Variants in PTPRN2 observed in about 807,000 individuals in gnomAD.
PTPRN2 encodes the protein protein tyrosine phosphatase receptor type N2, also known as receptor-type tyrosine-protein phosphatase N2.
Under a neutral mutation model 118.8 loss-of-function variants are expected in PTPRN2, and 74 were observed. That is an observed-to-expected ratio of 0.62 (90% confidence interval 0.52 to 0.76). PTPRN2 has a LOEUF of 0.76. Ranked by LOEUF, PTPRN2 falls within the 30% of genes least tolerant of loss-of-function variation. PTPRN2 has a pLI of 0.00. For missense variants in PTPRN2, 1,481 were observed against 1,394.4 expected (o/e 1.06, Z -0.99); for synonymous variants, 641 against 608.0 (o/e 1.05, Z -0.80).
intron 12 of PTPRN2, among the ~76,000 whole-genome samples, chr7:157,825,008 C>A (rs1563146663): frequency 6.6e-6 from 1 of 152,160 alleles, no homozygotes; most frequent in Non-Finnish European, 1.5e-5. Flanking sequence ...ACCCTGCAGA[C>A]CCCACCCCAT....
In PTPRN2 at chr7:157,615,828, G is replaced by T; in HGVS notation, c.2344+5534C>A. ...CTTGACTGTCACCAACGGGGGGTGG[G>T]GGGTGCGCGAGGCCCTGGGCTCCAC... On this transcript the variant is annotated intron_variant, in intron 15 of 22. Coordinates refer to ENST00000389418, the MANE Select transcript of PTPRN2 (RefSeq NM_002847.5). The surrounding 1 kb of genome is among the most constrained non-coding windows in gnomAD (Gnocchi z 4.3). 1 of 359,836 alleles carries T rather than the reference G, an allele frequency of 2.8e-6. No homozygotes were observed. The highest frequency in any genetic ancestry group is 5.5e-6 in the Non-Finnish European group (1 of 182,072). The allele number at this position is 359,836 out of a possible 1,614,324, so 22.3% of individuals were successfully genotyped here.
chr7:158,097,253 G>A (rs1414486759), intron 10 of PTPRN2, among the ~76,000 whole-genome samples: 1 of 152,130 alleles, frequency 6.6e-6, no homozygotes, highest in African/African-American at 2.4e-5. Context: ...AGGAGGTGGA[G>A]GGGCCCGGGC....
chr7:157,907,827 C>T (rs1032962112), intron 11 of PTPRN2, among the ~76,000 whole-genome samples: 14 of 152,136 alleles, frequency 9.2e-5, no homozygotes, highest in African/African-American at 3.4e-4. Context: ...CCCTGACTGG[C>T]ATCTGTTCAC....
intron 12 of PTPRN2, among the ~76,000 whole-genome samples, chr7:157,866,571 C>T (rs1385017880): frequency 6.6e-6 from 1 of 152,098 alleles, no homozygotes; most frequent in African/African-American, 2.4e-5. Context: ...ATGAGGTCTG[C>T]AGGAAACACG....
chr7:157,739,787 G>A (rs770491239), intron 12 of PTPRN2, among the ~76,000 whole-genome samples: 25 of 152,228 alleles, frequency 1.6e-4, no homozygotes, highest in Non-Finnish European at 3.5e-4. Context: ...CAAGATGGAT[G>A]TGCTTTGGTT....
chr7:157,642,814 CAAAAAAAAAAAAAAAAAA>C (rs11335302), intron 14 of PTPRN2, among the ~76,000 whole-genome samples: 2 of 24,204 alleles, frequency 8.3e-5, no homozygotes, highest in Non-Finnish European at 1.7e-4. Context: ...CAAGAAACAG[CAAAAAAAAAAAAAAAAAA>C]AAAAAAAAAA....
At position 158,208,018 on chromosome 7, in the gene PTPRN2, A is replaced by T. The variant is rs113748094; in HGVS notation, c.278-2745T>A. ...ACTGACCCATTGCAGAATGCCTCAG[A>T]CTCTCTTGACAGCAGAGTTGACCAA... On this transcript the variant is annotated intron_variant, in intron 3 of 22. Coordinates refer to ENST00000389418, the MANE Select transcript of PTPRN2 (RefSeq NM_002847.5). 8.1e-3 allele frequency among the ~76,000 whole-genome samples: 1,233 copies of T among 152,266 alleles called. 18 individuals carry two copies. Among genetic ancestry groups the T allele is most frequent in the African/African-American group, 0.024 (980 of 41,532 alleles).
intron 11 of PTPRN2, among the ~76,000 whole-genome samples, chr7:157,994,554 G>A (rs56070667): frequency 0.079 from 9,014 of 113,398 alleles, 750 homozygotes; most frequent in African/African-American, 0.15. Context: ...CCTAAAATCA[G>A]CACCGCGTCC....
chr7:157,840,455 C>T (rs931804672), intron 12 of PTPRN2, among the ~76,000 whole-genome samples: 39 of 147,170 alleles, frequency 2.6e-4, no homozygotes, highest in Admixed American at 4.1e-4. Context: ...ACTGTGTGAC[C>T]GCGTGTGACT....
chr7:158,306,462 C>T (rs1305578870), intron 3 of PTPRN2, among the ~76,000 whole-genome samples: 2 of 152,202 alleles, frequency 1.3e-5, no homozygotes, highest in East Asian at 3.9e-4. Flanking sequence ...AGGTATGCCC[C>T]ACACTCACAC....
At chr7:158,087,275 C>T (rs1008218021) in intron 10 of PTPRN2, among the ~76,000 whole-genome samples, 10 of 152,188 alleles carry the variant, frequency 6.6e-5, no homozygotes, top group African/African-American at 1.9e-4. Flanking sequence ...TCGGGAATGA[C>T]GTGGTTGATA....
chr7:158,224,855 C>T (rs2150804226), intron 3 of PTPRN2, among the ~76,000 whole-genome samples: 1 of 152,230 alleles, frequency 6.6e-6, no homozygotes, highest in Middle Eastern at 3.4e-3. Context: ...CAGGAATATA[C>T]ACAGAACTCT....
intron 2 of PTPRN2, among the ~76,000 whole-genome samples, chr7:158,340,751 G>A (rs1193298771): frequency 1.3e-5 from 1 of 77,254 alleles, no homozygotes; most frequent in African/African-American, 5.4e-5. Flanking sequence ...ACATGCAGAC[G>A]TCACACACAC....
Position 158,332,079 on chromosome 7 carries a change from C to T in PTPRN2, c.164-15147G>A, listed in dbSNP as rs1359259082. Among the ~76,000 whole-genome samples the T allele has an allele frequency of 1.0e-3, 158 of 150,506 alleles. 11 individuals are homozygous for T. The highest frequency in any genetic ancestry group is 3.7e-3 in the African/African-American group (150 of 40,066). On this transcript the variant is annotated intron_variant, in intron 2 of 22. Coordinates refer to ENST00000389418, the MANE Select transcript of PTPRN2 (RefSeq NM_002847.5). ...TGACATCTGCAGACGACACTCACAC[C>T]CACACTCTCACCATAAGAGCTGAGG... is the stretch of plus-strand genomic sequence containing the variant.
Position 158,136,712 on chromosome 7 carries a change from T to C in PTPRN2, c.1133-17A>G. 1 of 1,613,254 alleles carries C rather than the reference T, an allele frequency of 6.2e-7. No individual in the cohort carries two copies. Among genetic ancestry groups the C allele is most frequent in the Non-Finnish European group, 8.5e-7 (1 of 1,179,300 alleles). On this transcript the variant is annotated splice_polypyrimidine_tract_variant and intron_variant, in intron 7 of 22. Transcript: ENST00000389418. ...CTCCGTCATCTGTAAAAGACACCAG[T>C]GTTACCAAGACCCTCATCAAGAATG...
intron 11 of PTPRN2, among the ~76,000 whole-genome samples, chr7:157,946,655 C>T (rs1800507367): frequency 6.6e-6 from 1 of 152,186 alleles, no homozygotes; most frequent in Admixed American, 6.5e-5. Context: ...CCAGCAGCCA[C>T]AGGGATGGTG....
intron 11 of PTPRN2, among the ~76,000 whole-genome samples, chr7:158,018,669 T>A (rs949245947): frequency 6.6e-6 from 1 of 151,996 alleles, no homozygotes; most frequent in African/African-American, 2.4e-5. Flanking sequence ...TTTAAGAATA[T>A]AAGAAAGTAG....
intron 16 of PTPRN2, among the ~76,000 whole-genome samples, chr7:157,602,271 T>C (rs548243312): frequency 1.2e-4 from 18 of 152,366 alleles, no homozygotes; most frequent in African/African-American, 3.8e-4. Flanking sequence ...GCTCACTGTG[T>C]GGGCCACGAA....
chr7:157,927,471 G>C (rs1242011076), intron 11 of PTPRN2, among the ~76,000 whole-genome samples: 374 of 101,386 alleles, frequency 3.7e-3, no homozygotes, highest in African/African-American at 0.019. Flanking sequence ...ACCCTTCTGA[G>C]AACAGAGACC....
Sources: gnomAD v4.1 joint callset for allele counts (sites outside exome capture counted in the v4.1 genomes callset) on GRCh38, gnomAD v4.1.1 for gene constraint, Gnocchi (gnomAD v3.1) non-coding constraint, MANE v1.5 for transcripts, NCBI Gene and HGNC (gene_info 2026-07-23, HGNC 2026-07-21) for gene names.